The following CENPF variants were observed in gnomAD, a reference collection of about 807,000 sequenced individuals.
CENPF encodes the protein centromere protein F.
Under a neutral mutation model 307.3 loss-of-function variants are expected in CENPF, and 214 were observed. The observed-to-expected ratio is 0.70, with a 90% CI of 0.62 to 0.78. The LOEUF (loss-of-function observed/expected upper bound fraction) is 0.78, where lower values mean the gene tolerates loss of function less well. Among genes scored for constraint, CENPF ranks in the 30% least tolerant of loss-of-function variants. CENPF has a pLI of 0.00. For synonymous variants in CENPF, 1,259 were observed against 1,270.6 expected (o/e 0.99, Z 0.19); for missense variants, 3,401 against 3,483.9 (o/e 0.98, Z 0.60).
Position 214,644,896 on chromosome 1 carries a change from G to T in CENPF, c.5326G>T (p.Val1776Leu), listed in dbSNP as rs974415113. Residue 1776 changes from valine (V) to leucine (L), a missense_variant, in exon 13 of 20, where the codon GTA becomes TTA. Physicochemically the swap from Val to Leu is conservative, Grantham distance 32. Transcript: ENST00000366955. ...AGATATCCATAATCTTCAACTGCGGGTAAAAGAGACATCAAATGAGAATTT... is the reference window on the plus strand; with the variant it reads ...AGATATCCATAATCTTCAACTGCGGTTAAAAGAGACATCAAATGAGAATTT... The part of the protein sequence containing the change: ...QEDIHNLQLR[V>L]KETSNENLRL... 2 of 1,613,964 alleles carry T rather than the reference G, an allele frequency of 1.2e-6. No homozygotes were observed. The highest frequency in any genetic ancestry group is 2.2e-5 in the South Asian group (2 of 91,066).
intron 7 of CENPF, among the ~76,000 whole-genome samples, chr1:214,626,898 A>G (rs528079377): frequency 1.3e-5 from 2 of 152,174 alleles, no homozygotes; most frequent in Non-Finnish European, 2.9e-5. Context: ...TAAGAATTAC[A>G]TTTCTCCTTT....
chr1:214,660,770 T>A (rs1192809727), intron 19 of CENPF, among the ~76,000 whole-genome samples: 1 of 152,240 alleles, frequency 6.6e-6, no homozygotes, highest in Non-Finnish European at 1.5e-5. Flanking sequence ...ATGCCTCCAC[T>A]GTCTTTAGGC....
chr1:214,646,617 G>A lies in CENPF; in HGVS notation c.7047G>A (p.Arg2349=), dbSNP rs1658312022. 6.2e-7 allele frequency: 1 copy of A among 1,613,916 alleles called. No homozygotes were observed. Residue 2349 remains arginine, a synonymous_variant, in exon 13 of 20, where the codon AGG becomes AGA. Transcript: ENST00000366955. ...TTGAAAGAGAGCTAGAGATAGCCAG[G>A]ACAAACCAAGAGCATGCAGCTCTTG... ...ENLERELEIA[R]TNQEHAALEA...
At chr1:214,632,363 C>T (rs552646839) in intron 9 of CENPF, 117 bp from the exon 10 acceptor site, 57 of 1,144,000 alleles carry the variant, frequency 5.0e-5, no homozygotes, top group Middle Eastern at 2.5e-4. Context: ...TGTATCTCAG[C>T]CAAAATAGAT....
rs375887256 is a variant in CENPF at position 214,614,886 on chromosome 1, A to G, written c.217A>G (p.Met73Val). ...CCTGAAAAGGGAGAATCAAAGATTG[A>G]TGGAAATATGTGAAAGTCTGGAGAA... is the stretch of plus-strand genomic sequence containing the variant. ...TNLKRENQRL[M>V]EICESLEKTK... Residue 73 changes from methionine to valine, a missense_variant, in exon 3 of 20, where the codon ATG (methionine) becomes GTG (valine). Coordinates refer to ENST00000366955, the MANE Select transcript of CENPF (RefSeq NM_016343.4). The G allele has an allele frequency of 4.4e-6, 7 of 1,608,668 alleles. No individual in the cohort carries two copies. The East Asian group carries it at 1.3e-4, about 31-fold the overall frequency.
chr1:214,613,802 T>C lies in CENPF; in HGVS notation c.48T>C (p.Ala16=), dbSNP rs761989058. The change falls in exon 2 of 20, where the codon GCT becomes GCC. Residue 16 remains alanine (A), a synonymous_variant. Transcript: ENST00000366955. ...GGAAAGAAGGGCTGCCTACAAGAGCTCTTCAGAAAATTCAAGAGCTTGAAG... is the reference window on the plus strand; with the variant it reads ...GGAAAGAAGGGCTGCCTACAAGAGCCCTTCAGAAAATTCAAGAGCTTGAAG... ...EEWKEGLPTR[A]LQKIQELEGQ... is the part of the protein sequence containing the mutation. 1.9e-6 allele frequency: 3 copies of C among 1,613,418 alleles called. No individual in the cohort carries two copies. The highest frequency in any genetic ancestry group is 3.3e-5 in the Admixed American group (2 of 59,898).
rs751988447 is a variant in CENPF at position 214,641,899 on chromosome 1, A to G, written c.3561A>G (p.Gln1187=). 1.3e-6 allele frequency: 2 copies of G among 1,592,348 alleles called. No individual in the cohort carries two copies. Among genetic ancestry groups the G allele is most frequent in the South Asian group, 1.2e-5 (1 of 86,224 alleles). Reference sequence around the variant, plus strand: ...AAGAAAGAGAGAGTGAGAGAAATCAATGTAATTTTAAACCTCAGATGGATC... The same window carrying G: ...AAGAAAGAGAGAGTGAGAGAAATCAGTGTAATTTTAAACCTCAGATGGATC... ...SVKERESERN[Q]CNFKPQMDLE... Residue 1187 remains glutamine, a synonymous_variant, in exon 12 of 20, where the codon CAA becomes CAG. Coordinates refer to ENST00000366955, the MANE Select transcript of CENPF (RefSeq NM_016343.4).
At chr1:214,650,537 G>C (rs1305393150) in intron 14 of CENPF, among the ~76,000 whole-genome samples, 5 of 152,132 alleles carry the variant, frequency 3.3e-5, no homozygotes, top group Admixed American at 1.3e-4. Context: ...AGAAGACAGA[G>C]AGAAGGCTTG....
chr1:214,640,475 A>C lies in CENPF; in HGVS notation c.2137A>C (p.Lys713Gln). Reference protein sequence around the residue: ...LQQKAEFSDQKHQKEIENMCL... With the variant: ...LQQKAEFSDQQHQKEIENMCL... ...GCAGAAAGCTGAGTTCTCAGATCAG[A>C]AACATCAGAAGGAAATAGAAAATAT... Residue 713 changes from lysine to glutamine, a missense_variant, in exon 12 of 20, where the codon AAA (lysine) becomes CAA (glutamine). Physicochemically the swap from Lys to Gln is moderately conservative, Grantham distance 53. Coordinates refer to ENST00000366955, the MANE Select transcript of CENPF (RefSeq NM_016343.4). The C allele has an allele frequency of 6.2e-7, 1 of 1,614,126 alleles. No homozygotes were observed. Among genetic ancestry groups the C allele is most frequent in the Non-Finnish European group, 8.5e-7 (1 of 1,180,002 alleles).
intron 1 of CENPF, chr1:214,603,634 A>G (rs1263757481): frequency 6.6e-6 from 1 of 152,288 alleles, no homozygotes; most frequent in Non-Finnish European, 1.5e-5. Context: ...CCGTAAAAGA[A>G]TTGGAGATGA....
Position 214,646,444 on chromosome 1 carries a change from C to T in CENPF, c.6874C>T (p.Pro2292Ser). ...GGCCACAGAACAGAGTCTAGACCCA[C>T]CAATAGAGGAAGAGCATCAGCTGAG... ...MKATEQSLDP[P>S]IEEEHQLRNS... The change falls in exon 13 of 20, where the codon CCA (proline) becomes TCA (serine). Residue 2292 changes from proline to serine, a missense_variant. Physicochemically the swap from Pro to Ser is moderately conservative, Grantham distance 74. Transcript: ENST00000366955. The T allele has an allele frequency of 6.2e-7, 1 of 1,613,990 alleles. No individual in the cohort carries two copies. Among genetic ancestry groups the T allele is most frequent in the Non-Finnish European group, 8.5e-7 (1 of 1,179,982 alleles).
chr1:214,620,166 G>A (rs1657466710), intron 5 of CENPF, among the ~76,000 whole-genome samples: 1 of 152,154 alleles, frequency 6.6e-6, no homozygotes, highest in African/African-American at 2.4e-5. Context: ...ATCCACAAAT[G>A]TATATTATAT....
At chr1:214,649,022 C>T (rs561058820) in intron 14 of CENPF, among the ~76,000 whole-genome samples, 195 bp downstream of exon 14, 45 of 152,238 alleles carry the variant, frequency 3.0e-4, no homozygotes, top group African/African-American at 1.0e-3. Context: ...CACAAGGAGT[C>T]GTGAGAAGCC....
At chr1:214,649,919 CAG>C (rs1307300064) in intron 14 of CENPF, among the ~76,000 whole-genome samples, 1 of 152,180 alleles carries the variant, frequency 6.6e-6, no homozygotes, top group Admixed American at 6.5e-5. Context: ...CTAGTAAGGT[CAG>C]GGGATAGACT....
At chr1:214,616,835 C>CTT (rs1491243796) in intron 3 of CENPF, among the ~76,000 whole-genome samples, 12 of 68,510 alleles carry the variant, frequency 1.8e-4, no homozygotes, top group African/African-American at 6.4e-4. Context: ...TCCTTCCTTC[C>CTT]TCTTTCTTTC....
At chr1:214,608,876 C>G in intron 1 of CENPF, 3 of 1,479,140 alleles carry the variant, frequency 2.0e-6, no homozygotes, top group Non-Finnish European at 2.7e-6. Flanking sequence ...CCACCGGGGC[C>G]CCAGCCAACA....
rs777552177 is a variant in CENPF, at chr1:214,630,580, G to A, written c.1241G>A (p.Cys414Tyr). The part of the protein sequence containing the change: ...QRSFQTLDQE[C>Y]IQMKARLTQE... ...TCTTTCCAAACACTGGACCAGGAGTGCATCCAGATGAAGGCCAGACTCACC... is the reference window on the plus strand; with the variant it reads ...TCTTTCCAAACACTGGACCAGGAGTACATCCAGATGAAGGCCAGACTCACC... Residue 414 changes from cysteine (C) to tyrosine (Y), a missense_variant, in exon 9 of 20, where the codon TGC becomes TAC. Coordinates refer to ENST00000366955, the MANE Select transcript of CENPF (RefSeq NM_016343.4). The A allele has an allele frequency of 6.8e-6, 11 of 1,614,032 alleles. No individual in the cohort carries two copies. The East Asian group carries it at 2.0e-4, about 29-fold the overall frequency.
chr1:214,621,577 G>GA (rs577188827), intron 6 of CENPF, among the ~76,000 whole-genome samples: 2 of 151,946 alleles, frequency 1.3e-5, no homozygotes, highest in African/African-American at 2.4e-5. Flanking sequence ...GAAAAAAGTG[G>GA]AAAAAAAATC....
intron 10 of CENPF, among the ~76,000 whole-genome samples, chr1:214,634,817 A>G (rs1197705670): frequency 3.3e-5 from 5 of 152,210 alleles, no homozygotes; most frequent in African/African-American, 1.2e-4. Context: ...GTCTAATTAT[A>G]TGTAAGCACT....
Sources: allele counts gnomAD v4.1 joint callset (sites outside exome capture counted in the v4.1 genomes callset), GRCh38; gene constraint gnomAD v4.1.1; transcripts MANE v1.5; gene names NCBI Gene and HGNC (gene_info 2026-07-23, HGNC 2026-07-21).